The following SCARB1 variants were observed in gnomAD, a reference collection of about 807,000 sequenced individuals.
The protein encoded by SCARB1 is scavenger receptor class B member 1, also known as CD36 and LIMPII analogous 1.
SCARB1 carries 30 observed loss-of-function variants against 57.2 expected under a neutral mutation model. The ratio of observed to expected loss-of-function variants is 0.52; its 90% CI spans 0.39 to 0.71. SCARB1 has a LOEUF of 0.71. Ranked by LOEUF, SCARB1 falls within the 30% of genes least tolerant of loss-of-function variation. The probability of loss-of-function intolerance (pLI) is 0.00; values close to 1 mark genes in which losing one functional copy is unlikely to be tolerated. For synonymous variants in SCARB1, 249 were observed against 268.3 expected (o/e 0.93, Z 0.70); for missense variants, 543 against 671.2 (o/e 0.81, Z 2.11).
rs1184964397 is a variant in SCARB1, at chr12:124,796,831, C to T, written c.1129-1563G>A. ...CTGGTGGGATGGGCATGAGATCACC[C>T]GTGAGTAGAACAGAGTTCACGCCAC... On this transcript the variant is annotated intron_variant, in intron 8 of 12. Transcript: ENST00000261693. This position sits in a 1 kb window ranked among gnomAD's most constrained non-coding sequence, Gnocchi z 4.0. Among the ~76,000 whole-genome samples the T allele has an allele frequency of 3.3e-5, 5 of 152,246 alleles. No homozygotes were observed. The South Asian group carries it at 8.3e-4, about 25-fold the overall frequency.
intron 1 of SCARB1, among the ~76,000 whole-genome samples, chr12:124,831,101 A>G (rs7485656): frequency 0.27 from 40,148 of 151,454 alleles, 6,735 homozygotes; most frequent in East Asian, 0.59. Flanking sequence ...TCAGCCCCCC[A>G]AGTAGCTGGG....
chr12:124,805,647 C>T (rs1295315236), intron 7 of SCARB1, among the ~76,000 whole-genome samples: 1 of 151,888 alleles, frequency 6.6e-6, no homozygotes, highest in Non-Finnish European at 1.5e-5. Context: ...GCAGCCTTGA[C>T]CTCTGGGCTT....
chr12:124,795,681 C>A (rs1392538638), intron 8 of SCARB1, among the ~76,000 whole-genome samples: 3 of 152,170 alleles, frequency 2.0e-5, no homozygotes, highest in Non-Finnish European at 4.4e-5. Context: ...ATAAAACAGA[C>A]AAAAGTCCCT....
chr12:124,814,099 C>T lies in SCARB1; in HGVS notation c.630+103G>A. 1 of 1,096,088 alleles carries T rather than the reference C, an allele frequency of 9.1e-7. No homozygotes were observed. The highest frequency in any genetic ancestry group is 2.4e-5 in the East Asian group (1 of 42,416). The allele number at this position is 1,096,088 out of a possible 1,614,324, so 67.9% of individuals were successfully genotyped here. On this transcript the variant is annotated intron_variant, in intron 4 of 12. Transcript: ENST00000261693. This position sits in a 1 kb window ranked among gnomAD's most constrained non-coding sequence, Gnocchi z 4.7. ...CACTTACAACCCACAGCCACTAGAT[C>T]CCCAGCCAGCTACAAAGCAAGCTGG...
intron 1 of SCARB1, among the ~76,000 whole-genome samples, chr12:124,862,735 A>G (rs1273916255): frequency 2.0e-5 from 3 of 147,584 alleles, no homozygotes; most frequent in African/African-American, 7.5e-5. Flanking sequence ...TTCAAATGTG[A>G]TACTCTGCAA....
At chr12:124,845,328 T>C (rs1320961240) in intron 1 of SCARB1, among the ~76,000 whole-genome samples, 1 of 152,046 alleles carries the variant, frequency 6.6e-6, no homozygotes, top group Non-Finnish European at 1.5e-5. Context: ...ACACCACGGA[T>C]GAACCCCAAA....
In SCARB1 at chr12:124,778,057, C is replaced by T; in HGVS notation, c.*530G>A. ...GCCTGTGTAAAGGCGCTTTGCCTGG[C>T]CTGGCAGGTAGACCAAGGCCAAAGC... On this transcript the variant is annotated 3_prime_UTR_variant, in exon 13 of 13. Transcript: ENST00000261693. The T allele has an allele frequency of 5.8e-6, 1 of 171,662 alleles. No homozygotes were observed. The highest frequency in any genetic ancestry group is 1.2e-5 in the Non-Finnish European group (1 of 81,434). The allele number at this position is 171,662 out of a possible 1,614,324, so 10.6% of individuals were successfully genotyped here. A position where few individuals can be genotyped will look rare whatever the true frequency, so the allele number is the denominator to read the frequency against.
At chr12:124,816,789 G>A (rs1427773222) in intron 2 of SCARB1, among the ~76,000 whole-genome samples, 1 of 152,096 alleles carries the variant, frequency 6.6e-6, no homozygotes, top group African/African-American at 2.4e-5. Flanking sequence ...GTGACCCCAT[G>A]AAGGGGCTCT....
rs1950083038 is a variant in SCARB1 at position 124,800,206 on chromosome 12, T to C, written c.1046A>G (p.Asn349Ser). Residue 349 changes from asparagine (N) to serine (S), a missense_variant, in exon 8 of 13, where the codon AAC (asparagine) becomes AGC (serine). Physicochemically the swap from Asn to Ser is conservative, Grantham distance 46 (BLOSUM62 1). Coordinates refer to ENST00000261693, the MANE Select transcript of SCARB1 (RefSeq NM_005505.5). This position sits in a 1 kb window ranked among gnomAD's most constrained non-coding sequence, Gnocchi z 4.8. The part of the protein sequence containing the change: ...PLFLSHPHFL[N>S]ADPVLAEAVT... Reference sequence around the variant, plus strand: ...CGCTTCTGCCAGAACCGGGTCAGCGTTGAGGAAGTGAGGATGGGAGAGAAA... The same window carrying C: ...CGCTTCTGCCAGAACCGGGTCAGCGCTGAGGAAGTGAGGATGGGAGAGAAA... 3 of 1,613,588 alleles carry C rather than the reference T, an allele frequency of 1.9e-6. No individual in the cohort carries two copies. Among genetic ancestry groups the C allele is most frequent in the Non-Finnish European group, 2.5e-6 (3 of 1,179,802 alleles).
At chr12:124,831,086 C>T (rs902791478) in intron 1 of SCARB1, among the ~76,000 whole-genome samples, 1 of 152,072 alleles carries the variant, frequency 6.6e-6, no homozygotes, top group African/African-American at 2.4e-5. Context: ...AGCAATTCTC[C>T]TGCCTCAGCC....
In SCARB1 at chr12:124,863,818, C is replaced by T. The variant is rs1953005781; in HGVS notation, c.-98G>A. ...ACGACACAGGCGGGGACTCCGGGCA[C>T]GCAGGCCGCAGAGGCACGGTGGATC... On this transcript the variant is annotated 5_prime_UTR_variant, in exon 1 of 13. The change creates a new upstream start codon in the 5' untranslated region. Transcript: ENST00000261693. 7.5e-7 allele frequency: 1 copy of T among 1,333,936 alleles called. No homozygotes were observed. Among genetic ancestry groups the T allele is most frequent in the South Asian group, 1.8e-5 (1 of 56,192 alleles). 82.6% of individuals were successfully genotyped at this position (1,333,936 alleles called of 1,614,324 possible).
rs1308342634 is a variant in SCARB1, at chr12:124,814,159, G to A, written c.630+43C>T. On this transcript the variant is annotated intron_variant, in intron 4 of 12. Transcript: ENST00000261693. This position sits in a 1 kb window ranked among gnomAD's most constrained non-coding sequence, Gnocchi z 4.7. ...TCCAGGCTGTGTGAGGGGAAGACAGGACACAGGCCTGAATCTTTGGCTTCT... is the reference window on the plus strand; with the variant it reads ...TCCAGGCTGTGTGAGGGGAAGACAGAACACAGGCCTGAATCTTTGGCTTCT... The A allele has an allele frequency of 6.3e-7, 1 of 1,576,106 alleles. No individual in the cohort carries two copies. Among genetic ancestry groups the A allele is most frequent in the Non-Finnish European group, 8.7e-7 (1 of 1,145,796 alleles).
intron 10 of SCARB1, among the ~76,000 whole-genome samples, chr12:124,787,130 C>A (rs1019912410): frequency 6.6e-6 from 1 of 152,354 alleles, no homozygotes; most frequent in Middle Eastern, 3.4e-3. Flanking sequence ...AGGTCATATG[C>A]CCCAACAAAA....
intron 1 of SCARB1, among the ~76,000 whole-genome samples, chr12:124,819,703 T>A (rs962321556): frequency 6.6e-6 from 1 of 152,218 alleles, no homozygotes; most frequent in Non-Finnish European, 1.5e-5. Context: ...CTTTTGAACA[T>A]GGCCTTCTAA....
Position 124,807,899 on chromosome 12 carries a change from CT to C in SCARB1, c.870del (p.Val292CysfsTer67), listed in dbSNP as rs765208093. 1 of 1,614,178 alleles carries C rather than the reference CT, an allele frequency of 6.2e-7. No homozygotes were observed. The highest frequency in any genetic ancestry group is 1.1e-5 in the South Asian group (1 of 91,090). On this transcript the variant is annotated frameshift_variant, in exon 7 of 13. Coordinates refer to ENST00000261693, the MANE Select transcript of SCARB1 (RefSeq NM_005505.5). LOFTEE classifies it high-confidence loss of function. The surrounding 1 kb of genome is among the most constrained non-coding windows in gnomAD (Gnocchi z 5.3). Reference sequence around the variant, plus strand: ...TAGGTGGGGATGCCTTCAAACACCCCTGACTCCTTGTACATTAGCTTCATGG... The same window carrying C: ...TAGGTGGGGATGCCTTCAAACACCCCGACTCCTTGTACATTAGCTTCATGG... Reference protein sequence around the residue: ...CRSMKLMYKESGVFEGIPTYR... With the variant: ...CRSMKLMYKEXGVFEGIPTYR...
At position 124,800,039 on chromosome 12, in the gene SCARB1, G is replaced by T; in HGVS notation, c.1128+85C>A. ...CTTCCCACCACCCCAGCCCACAGCA[G>T]CTCTCTGCCTGGGGAGAGAGGAGGC... On this transcript the variant is annotated intron_variant, in intron 8 of 12. Transcript: ENST00000261693. This position sits in a 1 kb window ranked among gnomAD's most constrained non-coding sequence, Gnocchi z 4.8. 9.7e-7 allele frequency: 1 copy of T among 1,033,406 alleles called. No individual in the cohort carries two copies. 64.0% of individuals were successfully genotyped at this position (1,033,406 alleles called of 1,614,324 possible).
chr12:124,846,769 C>T (rs796567738), intron 1 of SCARB1, among the ~76,000 whole-genome samples: 5 of 132,076 alleles, frequency 3.8e-5, no homozygotes, highest in African/African-American at 1.4e-4. Flanking sequence ...GACAGATGAA[C>T]TGTGATACTC....
chr12:124,837,594 A>AAAAGAAAG lies in SCARB1; in HGVS notation c.127-19888_127-19887insCTTTCTTT, dbSNP rs140213588. ...AAAAGAAAAGAAAAGAAAAGAAAAGAAAAGTCAGCCAGCTGGGTGCAGTGC... is the reference window on the plus strand; with the variant it reads ...AAAAGAAAAGAAAAGAAAAGAAAAGAAAAGAAAGAAAGTCAGCCAGCTGGGTGCAGTGC... On this transcript the variant is annotated intron_variant, in intron 1 of 12. Transcript: ENST00000261693. Among the ~76,000 whole-genome samples, 22 of 39,004 alleles carry AAAAGAAAG rather than the reference A, an allele frequency of 5.6e-4. 1 individual carries two copies. The highest frequency in any genetic ancestry group is 8.1e-4 in the African/African-American group (10 of 12,320). 25.6% of individuals were successfully genotyped at this position (39,004 alleles called of 152,430 possible). A position where few individuals can be genotyped will look rare whatever the true frequency, so the allele number is the denominator to read the frequency against.
intron 1 of SCARB1, among the ~76,000 whole-genome samples, chr12:124,838,691 G>A (rs1176292321): frequency 2.6e-5 from 4 of 151,756 alleles, no homozygotes; most frequent in Non-Finnish European, 4.4e-5. Context: ...AGCAGGAGGG[G>A]CCGGTACCAT....
Sources: gnomAD v4.1 joint callset for allele counts (sites outside exome capture counted in the v4.1 genomes callset) on GRCh38, gnomAD v4.1.1 for gene constraint, Gnocchi (gnomAD v3.1) non-coding constraint, MANE v1.5 for transcripts, NCBI Gene and HGNC (gene_info 2026-07-23, HGNC 2026-07-21) for gene names.